Variants in VDR observed in about 807,000 individuals in gnomAD.
VDR encodes vitamin D receptor.
VDR carries 19 observed loss-of-function variants against 39.7 expected under a neutral mutation model. The observed-to-expected ratio is 0.48, with a 90% confidence interval of 0.33 to 0.70. The LOEUF is 0.70. Ranked by LOEUF, VDR falls within the 30% of genes least tolerant of loss-of-function variation. The probability of loss-of-function intolerance (pLI) is 0.02; values close to 1 mark genes in which losing one functional copy is unlikely to be tolerated. For synonymous variants in VDR, 242 were observed against 215.8 expected (o/e 1.12, Z -1.07); for missense variants, 442 against 570.5 (o/e 0.77, Z 2.29).
chr12:47,844,791 C>T lies in VDR; in HGVS notation c.1239G>A (p.Lys413=). Residue 413 remains lysine (K), a synonymous_variant, in exon 10 of 10, where the codon AAG becomes AAA. Coordinates refer to ENST00000549336, the MANE Select transcript of VDR (RefSeq NM_000376.3). ...ACACTTCGAGCACAAGGGGCGTTAGCTTCATGCTGCACTCAGGCTGGAAGG... is the reference window on the plus strand; with the variant it reads ...ACACTTCGAGCACAAGGGGCGTTAGTTTCATGCTGCACTCAGGCTGGAAGG... The part of the protein sequence containing the change: ...CLSFQPECSM[K]LTPLVLEVFG... The T allele has an allele frequency of 3.1e-6, 5 of 1,614,168 alleles. No individual in the cohort carries two copies. Among genetic ancestry groups the T allele is most frequent in the South Asian group, 1.1e-5 (1 of 91,092 alleles).
chr12:47,871,292 C>CCCTTTCTTTCTT (rs1945854358), intron 3 of VDR, among the ~76,000 whole-genome samples: 6 of 79,854 alleles, frequency 7.5e-5, no homozygotes, highest in Admixed American at 4.5e-4. Context: ...CTTTCTCTTT[C>CCCTTTCTTTCTT]TCTTTCTTTC....
At chr12:47,884,703 C>T (rs1392015232) in intron 1 of VDR, among the ~76,000 whole-genome samples, 1 of 152,114 alleles carries the variant, frequency 6.6e-6, no homozygotes, top group Non-Finnish European at 1.5e-5. Flanking sequence ...AACCCTAAGC[C>T]GTGGACACCT....
chr12:47,902,601 C>T (rs1399724465), intron 1 of VDR, among the ~76,000 whole-genome samples: 1 of 152,200 alleles, frequency 6.6e-6, no homozygotes, highest in Non-Finnish European at 1.5e-5. Context: ...CAAATGGAAG[C>T]TGGAGCCCTG....
chr12:47,888,712 A>G (rs1428866915), intron 1 of VDR, among the ~76,000 whole-genome samples: 1 of 152,118 alleles, frequency 6.6e-6, no homozygotes, highest in East Asian at 1.9e-4. Flanking sequence ...GAAGAAACGG[A>G]GGCCGTGAAA....
intron 7 of VDR, among the ~76,000 whole-genome samples, chr12:47,850,878 G>T (rs990778817): frequency 9.2e-6 from 1 of 108,416 alleles, no homozygotes; most frequent in South Asian, 3.3e-4. Context: ...CTCCCCTCCC[G>T]CATTCCCACG....
intron 7 of VDR, among the ~76,000 whole-genome samples, chr12:47,851,066 A>C: frequency 6.6e-6 from 1 of 152,160 alleles, no homozygotes; most frequent in East Asian, 1.9e-4. Flanking sequence ...ATGAATGTGG[A>C]GAAAGGGCAC....
At chr12:47,882,559 C>A in intron 2 of VDR, 135 bp downstream of exon 2, 1 of 737,518 alleles carries the variant, frequency 1.4e-6, no homozygotes, top group Non-Finnish European at 2.2e-6. Flanking sequence ...CTCTGCTGGC[C>A]CGGGACCCAC....
intron 6 of VDR, among the ~76,000 whole-genome samples, chr12:47,856,148 T>C (rs1201745181): frequency 2.0e-5 from 3 of 152,232 alleles, no homozygotes; most frequent in Admixed American, 6.5e-5. Context: ...AACTGCAGTG[T>C]AGAACATCTA....
At chr12:47,869,428 C>T (rs564957991) in intron 3 of VDR, among the ~76,000 whole-genome samples, 2 of 146,714 alleles carry the variant, frequency 1.4e-5, no homozygotes, top group Non-Finnish European at 3.0e-5. Context: ...CCCAGCTACT[C>T]GGGAGGCTGA....
intron 1 of VDR, among the ~76,000 whole-genome samples, chr12:47,891,877 C>T (rs535938265): frequency 3.3e-5 from 5 of 152,286 alleles, no homozygotes; most frequent in African/African-American, 9.6e-5. Context: ...TGTCTGTTAC[C>T]AGGGCAGCGG....
chr12:47,887,738 C>T (rs1003965522), intron 1 of VDR, among the ~76,000 whole-genome samples: 1 of 152,246 alleles, frequency 6.6e-6, no homozygotes. Context: ...CTGTCTGCCA[C>T]TTGGCTCTTT....
intron 6 of VDR, 33 bp downstream of exon 6, chr12:47,857,096 C>A: frequency 6.2e-7 from 1 of 1,613,518 alleles, no homozygotes; most frequent in Non-Finnish European, 8.5e-7. Flanking sequence ...GCCCCCGCTC[C>A]CTTACTCTAT....
chr12:47,849,140 C>T (rs58789572), intron 7 of VDR, among the ~76,000 whole-genome samples: 12,788 of 152,188 alleles, frequency 0.084, 940 homozygotes, highest in African/African-American at 0.19. Context: ...CCTGGATATC[C>T]TGCAGATAGG....
intron 1 of VDR, among the ~76,000 whole-genome samples, chr12:47,901,898 G>T (rs1037363529): frequency 6.6e-6 from 1 of 152,242 alleles, no homozygotes; most frequent in Non-Finnish European, 1.5e-5. Flanking sequence ...GAAGTCACAC[G>T]AGTGGTGGGC....
chr12:47,886,980 C>T (rs1423391210), intron 1 of VDR, among the ~76,000 whole-genome samples: 1 of 131,958 alleles, frequency 7.6e-6, no homozygotes, highest in Non-Finnish European at 1.7e-5. Flanking sequence ...TAGAGGAGGG[C>T]TTAGGGGGCC....
At chr12:47,868,017 G>T (rs893130807) in intron 3 of VDR, among the ~76,000 whole-genome samples, 7 of 152,216 alleles carry the variant, frequency 4.6e-5, no homozygotes, top group African/African-American at 1.7e-4. Context: ...GGGCCCAAGA[G>T]ACCGTCAGTG....
In VDR at chr12:47,890,332, A is replaced by ATATGTAATATGTATTTTATATATATTATG. The variant is rs764184852; in HGVS notation, c.-83-7587_-83-7559dup. Among the ~76,000 whole-genome samples, 8 of 148,192 alleles carry ATATGTAATATGTATTTTATATATATTATG rather than the reference A, an allele frequency of 5.4e-5. No homozygotes were observed. In the South Asian group the frequency reaches 1.3e-3, roughly 23 times the overall value. Reference sequence around the variant, plus strand: ...AAGGTTATTGTTTTGTATTTTACATATATGTAATATGTATTTTATATATAT... The same window carrying ATATGTAATATGTATTTTATATATATTATG: ...AAGGTTATTGTTTTGTATTTTACATATATGTAATATGTATTTTATATATATTATGTATGTAATATGTATTTTATATATAT... On this transcript the variant is annotated intron_variant, in intron 1 of 9. Transcript: ENST00000549336.
chr12:47,890,290 C>T (rs959915672), intron 1 of VDR, among the ~76,000 whole-genome samples: 1 of 149,900 alleles, frequency 6.7e-6, no homozygotes, highest in Admixed American at 6.7e-5. Context: ...ATTTCAACTG[C>T]CACGAGAAAC....
chr12:47,872,770 T>A (rs987386562), intron 3 of VDR, among the ~76,000 whole-genome samples: 2 of 152,142 alleles, frequency 1.3e-5, no homozygotes, highest in Admixed American at 6.5e-5. Context: ...CCAAGTTCCA[T>A]GGTAGAGAAA....
Sources: allele counts gnomAD v4.1 joint callset (sites outside exome capture counted in the v4.1 genomes callset), GRCh38; gene constraint gnomAD v4.1.1; transcripts MANE v1.5; gene names NCBI Gene and HGNC (gene_info 2026-07-23, HGNC 2026-07-21).